SLC5A4: variants seen among roughly 807,000 people sequenced by gnomAD.
SLC5A4 encodes probable glucose sensor protein SLC5A4.
Under a neutral mutation model 70.3 loss-of-function variants are expected in SLC5A4, and 55 were observed. That is an observed-to-expected ratio of 0.78 (90% confidence interval 0.63 to 0.98). The LOEUF (loss-of-function observed/expected upper bound fraction) is 0.98. Among genes scored for constraint, SLC5A4 ranks in the 50% least tolerant of loss-of-function variants. SLC5A4 has a pLI of 0.00. For synonymous variants in SLC5A4, 268 were observed against 305.7 expected (o/e 0.88, Z 1.29); for missense variants, 735 against 839.2 (o/e 0.88, Z 1.53).
the SLC5A4 span, among the ~76,000 whole-genome samples, chr22:32,334,050 C>T: frequency 8.0e-6 from 1 of 125,558 alleles, no homozygotes; most frequent in South Asian, 2.5e-4. Context: ...CACCATGCCA[C>T]AGACTCACAC....
the SLC5A4 span, among the ~76,000 whole-genome samples, chr22:32,302,718 T>C: frequency 3.1e-3 from 468 of 152,358 alleles, 3 homozygotes; most frequent in African/African-American, 0.011. Flanking sequence ...GACTTGATTG[T>C]TATAGCTATA....
chr22:32,307,201 GTCTGTTAAGGGCAAA>G, the SLC5A4 span, among the ~76,000 whole-genome samples: 1 of 152,188 alleles, frequency 6.6e-6, no homozygotes, highest in Non-Finnish European at 1.5e-5. Context: ...CTGGATTTCA[GTCTGTTAAGGGCAAA>G]TCTGTCAGGG....
At chr22:32,266,771 G>T in the SLC5A4 span, among the ~76,000 whole-genome samples, 1 of 152,202 alleles carries the variant, frequency 6.6e-6, no homozygotes, top group African/African-American at 2.4e-5. Context: ...CGCATATTTT[G>T]CATATGTGTT....
Position 32,235,026 on chromosome 22 carries a change from G to C in SLC5A4, c.732C>G (p.Val244=). The change falls in exon 8 of 15, where the codon GTC becomes GTG. Residue 244 remains valine, a synonymous_variant. Transcript: ENST00000266086. The part of the protein sequence containing the change: ...EKYVNATPSV[V]EGDNLTISAS... ...CACTGATTGTCAAGTTGTCCCCCTC[G>C]ACTACGGATGGGGTGGCATTCACGT... The C allele has an allele frequency of 6.2e-7, 1 of 1,613,780 alleles. No individual in the cohort carries two copies. The highest frequency in any genetic ancestry group is 8.5e-7 in the Non-Finnish European group (1 of 1,179,912).
chr22:32,282,307 G>A, the SLC5A4 span, among the ~76,000 whole-genome samples: 4 of 152,102 alleles, frequency 2.6e-5, no homozygotes, highest in East Asian at 7.7e-4. Flanking sequence ...AGGGTCGGCT[G>A]GCAGACATCG....
At chr22:32,338,024 G>A in the SLC5A4 span, among the ~76,000 whole-genome samples, 1 of 151,994 alleles carries the variant, frequency 6.6e-6, no homozygotes, top group Admixed American at 6.5e-5. Flanking sequence ...TCAGTGTGAT[G>A]CAGCCCCATC....
chr22:32,330,639 G>A, the SLC5A4 span, among the ~76,000 whole-genome samples: 39 of 120,644 alleles, frequency 3.2e-4, no homozygotes, highest in Admixed American at 2.8e-3. Flanking sequence ...GTGTGTGTTG[G>A]GGGCTCTGTA....
At chr22:32,285,140 T>C in the SLC5A4 span, 1 of 152,224 alleles carries the variant, frequency 6.6e-6, no homozygotes, top group Non-Finnish European at 1.5e-5. Flanking sequence ...TAGATGTGTG[T>C]GTATATATGA....
the SLC5A4 span, chr22:32,273,188 C>A: frequency 3.7e-5 from 14 of 376,230 alleles, no homozygotes; most frequent in South Asian, 2.7e-4. Context: ...GGAATATATA[C>A]TTTCTGGAAG....
intron 12 of SLC5A4, among the ~76,000 whole-genome samples, chr22:32,225,406 C>T (rs1037606291): frequency 2.0e-5 from 3 of 152,186 alleles, no homozygotes; most frequent in Non-Finnish European, 4.4e-5. Context: ...GCCTCCCAAA[C>T]ATGTTCCTCA....
the SLC5A4 span, among the ~76,000 whole-genome samples, chr22:32,267,014 A>G: frequency 9.2e-3 from 1,396 of 152,318 alleles, 28 homozygotes; most frequent in African/African-American, 0.031. Context: ...TTTTATTTTC[A>G]TGATCAAAAA....
At chr22:32,343,446 G>A in the SLC5A4 span, among the ~76,000 whole-genome samples, 1 of 152,114 alleles carries the variant, frequency 6.6e-6, no homozygotes, top group South Asian at 2.1e-4. Flanking sequence ...AAACAACACG[G>A]TAAAAGCAAC....
At chr22:32,279,782 C>T in the SLC5A4 span, among the ~76,000 whole-genome samples, 1 of 152,200 alleles carries the variant, frequency 6.6e-6, no homozygotes, top group East Asian at 1.9e-4. Flanking sequence ...GCCACTGTGA[C>T]CTCAAGAGCC....
chr22:32,297,392 G>C, the SLC5A4 span, among the ~76,000 whole-genome samples: 1 of 151,516 alleles, frequency 6.6e-6, no homozygotes, highest in Admixed American at 6.6e-5. Flanking sequence ...GAGAGTGTAC[G>C]TGTCCAGGAA....
intron 10 of SLC5A4, 66 bp downstream of exon 10, chr22:32,230,902 T>C (rs1925711667): frequency 6.3e-6 from 6 of 953,424 alleles, no homozygotes; most frequent in Admixed American, 1.8e-5. Flanking sequence ...AATTGCACCA[T>C]AACCCTTCCT....
the SLC5A4 span, among the ~76,000 whole-genome samples, chr22:32,309,131 T>G: frequency 1.3e-5 from 2 of 152,052 alleles, no homozygotes; most frequent in African/African-American, 4.8e-5. Context: ...CTTCTCTAGG[T>G]GCAGGGCATG....
the SLC5A4 span, chr22:32,272,971 C>A: frequency 3.7e-6 from 2 of 539,818 alleles, no homozygotes; most frequent in South Asian, 3.0e-5. Context: ...TGCTGTGCTG[C>A]AAGCTGCACG....
chr22:32,272,829 C>T, the SLC5A4 span: 460 of 512,756 alleles, frequency 9.0e-4, 1 homozygote, highest in African/African-American at 8.1e-3. Context: ...ATGGTGGCAT[C>T]GGGCTGCTGC....
the SLC5A4 span, among the ~76,000 whole-genome samples, chr22:32,290,968 A>G: frequency 2.9e-4 from 44 of 152,086 alleles, no homozygotes; most frequent in African/African-American, 1.1e-3. Context: ...GAACCATTTC[A>G]GCCTCTTTTT....
Sources: allele counts gnomAD v4.1 joint callset (sites outside exome capture counted in the v4.1 genomes callset), GRCh38; gene constraint gnomAD v4.1.1; transcripts MANE v1.5; gene names NCBI Gene and HGNC (gene_info 2026-07-23, HGNC 2026-07-21).